DYNLT2B: variants seen among roughly 807,000 people sequenced by gnomAD.
DYNLT2B encodes dynein light chain Tctex-type 2B, also known as dynein light chain Tctex-type protein 2B.
DYNLT2B carries 14 observed loss-of-function variants against 19.5 expected under a neutral mutation model. That is an observed-to-expected ratio of 0.72 (90% CI 0.47 to 1.12). The LOEUF (loss-of-function observed/expected upper bound fraction) is 1.12. Ranked by LOEUF, DYNLT2B falls within the 50% of genes most tolerant of loss-of-function variation. The probability of loss-of-function intolerance (pLI) is 0.00; values close to 1 mark genes in which losing one functional copy is unlikely to be tolerated. For missense variants in DYNLT2B, 133 were observed against 174.7 expected (o/e 0.76, Z 1.35); for synonymous variants, 70 against 59.7 (o/e 1.17, Z -0.79).
chr3:196,309,484 C>T (rs1003111140), intron 2 of DYNLT2B, among the ~76,000 whole-genome samples: 10 of 151,874 alleles, frequency 6.6e-5, no homozygotes, highest in Admixed American at 4.6e-4. Context: ...AGGTTGTTCT[C>T]GAACTCCTGA....
intron 2 of DYNLT2B, among the ~76,000 whole-genome samples, chr3:196,312,919 A>G (rs1382693467): frequency 1.3e-5 from 2 of 152,128 alleles, no homozygotes; most frequent in African/African-American, 4.8e-5. Context: ...TGAGAGGCTG[A>G]GGCAGGAGAA....
intron 3 of DYNLT2B, among the ~76,000 whole-genome samples, chr3:196,304,144 A>AT (rs1560189067): frequency 6.6e-6 from 1 of 151,994 alleles, no homozygotes; most frequent in Non-Finnish European, 1.5e-5. Flanking sequence ...TTATTTTTTT[A>AT]TTTTTTGAGA....
intron 3 of DYNLT2B, among the ~76,000 whole-genome samples, chr3:196,305,468 C>G (rs1726462536): frequency 6.6e-6 from 1 of 152,124 alleles, no homozygotes; most frequent in South Asian, 2.1e-4. Context: ...GACAAACAAA[C>G]CAATTTCTTC....
intron 2 of DYNLT2B, among the ~76,000 whole-genome samples, chr3:196,312,540 A>G (rs1577393727): frequency 6.6e-6 from 1 of 151,178 alleles, no homozygotes; most frequent in Non-Finnish European, 1.5e-5. Context: ...CTCACTGCAG[A>G]CTCTGCCTCC....
chr3:196,312,311 T>G (rs1002392520), intron 2 of DYNLT2B, among the ~76,000 whole-genome samples: 13 of 151,026 alleles, frequency 8.6e-5, no homozygotes, highest in African/African-American at 3.2e-4. Flanking sequence ...AGCCACCACG[T>G]CCAGCCAAAG....
intron 3 of DYNLT2B, among the ~76,000 whole-genome samples, chr3:196,299,243 C>G (rs1369563788): frequency 1.3e-5 from 2 of 152,046 alleles, no homozygotes; most frequent in Non-Finnish European, 2.9e-5. Flanking sequence ...CACCACCACG[C>G]CCGGCTAATT....
rs202024763 is a variant in DYNLT2B, at chr3:196,296,031, T to C, written c.356A>G (p.Asn119Ser). The change falls in exon 4 of 5, where the codon AAC (asparagine) becomes AGC (serine). Residue 119 changes from asparagine to serine, a missense_variant. By Grantham distance (46) the Asn-to-Ser change is conservative. Transcript: ENST00000325318. ...ATTCATGAAAACATCATGAGTATAG[T>C]TGTCAGTGTCAGCATCCCAGAAACA... ...SRCFWDADTD[N>S]YTHDVFMNDS... The C allele has an allele frequency of 3.6e-5, 58 of 1,613,962 alleles. No homozygotes were observed. Among genetic ancestry groups the C allele is most frequent in the Non-Finnish European group, 4.7e-5 (55 of 1,179,980 alleles).
At chr3:196,310,537 T>C (rs1313526193) in intron 2 of DYNLT2B, among the ~76,000 whole-genome samples, 1 of 151,900 alleles carries the variant, frequency 6.6e-6, no homozygotes, top group Non-Finnish European at 1.5e-5. Context: ...CAAGCGATTC[T>C]CCCACCTGAG....
intron 3 of DYNLT2B, among the ~76,000 whole-genome samples, chr3:196,305,033 C>A: frequency 6.6e-6 from 1 of 152,160 alleles, no homozygotes; most frequent in East Asian, 1.9e-4. Context: ...CAGGCGTGTG[C>A]CACCATGCCC....
intron 3 of DYNLT2B, among the ~76,000 whole-genome samples, chr3:196,304,475 C>T (rs1313432245): frequency 6.6e-6 from 1 of 151,910 alleles, no homozygotes; most frequent in Non-Finnish European, 1.5e-5. Context: ...TAAGAATTTT[C>T]CCAAACTGAT....
chr3:196,315,122 C>A, intron 2 of DYNLT2B: 1 of 368,906 alleles, frequency 2.7e-6, no homozygotes, highest in Non-Finnish European at 5.2e-6. Flanking sequence ...ACTCTTTTCC[C>A]CCATCTGCAA....
intron 3 of DYNLT2B, among the ~76,000 whole-genome samples, chr3:196,299,846 G>C (rs1726307949): frequency 6.6e-6 from 1 of 152,174 alleles, no homozygotes; most frequent in South Asian, 2.1e-4. Flanking sequence ...CAGGAGAATG[G>C]CGTGAACCCA....
chr3:196,309,505 T>C (rs1163593392), intron 2 of DYNLT2B, among the ~76,000 whole-genome samples: 4 of 151,922 alleles, frequency 2.6e-5, no homozygotes, highest in Non-Finnish European at 5.9e-5. Context: ...CCTCAGGTGA[T>C]CCATCTGCCT....
At chr3:196,294,188 C>T (rs1258279685) in intron 4 of DYNLT2B, among the ~76,000 whole-genome samples, 1 of 151,778 alleles carries the variant, frequency 6.6e-6, no homozygotes, top group Non-Finnish European at 1.5e-5. Flanking sequence ...CCTGTCTCTA[C>T]TAAAATTACA....
chr3:196,293,923 A>G (rs1164226109), intron 4 of DYNLT2B, among the ~76,000 whole-genome samples: 1 of 150,412 alleles, frequency 6.6e-6, no homozygotes, highest in East Asian at 2.1e-4. Flanking sequence ...GATTACAGGC[A>G]TGAGCCACCG....
chr3:196,309,993 G>A (rs1483585531), intron 2 of DYNLT2B, among the ~76,000 whole-genome samples: 1 of 151,336 alleles, frequency 6.6e-6, no homozygotes, highest in Admixed American at 6.6e-5. Context: ...AACCTAGGAA[G>A]TAATACAAAT....
chr3:196,307,953 T>C (rs1346838275), intron 2 of DYNLT2B, among the ~76,000 whole-genome samples: 1 of 151,196 alleles, frequency 6.6e-6, no homozygotes, highest in East Asian at 2.0e-4. Context: ...TGGTGGCAGA[T>C]CCCTGTAACC....
intron 1 of DYNLT2B, among the ~76,000 whole-genome samples, chr3:196,317,182 T>TGTTG (rs1553842955): frequency 2.1e-5 from 1 of 48,396 alleles, no homozygotes; most frequent in Non-Finnish European, 3.9e-5. Flanking sequence ...TGTGTGTGTG[T>TGTTG]TGTGTGTGTG....
rs572992023 is a variant in DYNLT2B at position 196,306,908 on chromosome 3, A to T, written c.317+35T>A. Reference sequence around the variant, plus strand: ...GACAGATACCTCATAAGAAATATAGATGACTAAAACAAGAAGGAAAATCCA... The same window carrying T: ...GACAGATACCTCATAAGAAATATAGTTGACTAAAACAAGAAGGAAAATCCA... On this transcript the variant is annotated intron_variant, in intron 3 of 4. Transcript: ENST00000325318. The T allele has an allele frequency of 4.4e-6, 7 of 1,577,538 alleles. No individual in the cohort carries two copies. In the South Asian group the frequency reaches 6.7e-5, roughly 15 times the overall value.
Sources: allele counts gnomAD v4.1 joint callset (sites outside exome capture counted in the v4.1 genomes callset), GRCh38; gene constraint gnomAD v4.1.1; transcripts MANE v1.5; gene names NCBI Gene and HGNC (gene_info 2026-07-23, HGNC 2026-07-21).